Variants in CTNNA3 observed in about 807,000 individuals in gnomAD.
CTNNA3 encodes the protein catenin alpha 3, also known as catenin alpha-3.
CTNNA3 carries 76 observed loss-of-function variants against 95.7 expected under a neutral mutation model. The ratio of observed to expected loss-of-function variants is 0.79; its 90% CI spans 0.66 to 0.96. The LOEUF is 0.96. CTNNA3 is among the 40% of genes least tolerant of loss of function. The pLI is 0.00. For missense variants in CTNNA3, 1,191 were observed against 1,089.8 expected (o/e 1.09, Z -1.31); for synonymous variants, 431 against 374.4 (o/e 1.15, Z -1.74).
chr10:66,602,443 A>C (rs1356246431), intron 10 of CTNNA3, among the ~76,000 whole-genome samples: 2 of 151,990 alleles, frequency 1.3e-5, no homozygotes, highest in African/African-American at 4.8e-5. Context: ...AGTCCAGGAT[A>C]TCTTATTTAC....
intron 9 of CTNNA3, among the ~76,000 whole-genome samples, chr10:66,763,057 G>C (rs147377382): frequency 6.6e-6 from 1 of 152,016 alleles, no homozygotes; most frequent in Non-Finnish European, 1.5e-5. Flanking sequence ...GTGCATGTCT[G>C]TGGGGTGGGG....
At chr10:67,678,918 G>A (rs959915929) in intron 1 of CTNNA3, among the ~76,000 whole-genome samples, 2 of 152,094 alleles carry the variant, frequency 1.3e-5, no homozygotes, top group Non-Finnish European at 2.9e-5. Context: ...GATGGAAGTA[G>A]ATAAAAAAGG....
intron 12 of CTNNA3, among the ~76,000 whole-genome samples, chr10:66,297,126 G>A (rs565056682): frequency 6.6e-6 from 1 of 152,088 alleles, no homozygotes; most frequent in Non-Finnish European, 1.5e-5. Flanking sequence ...GTTTATGTGT[G>A]AACTTACACT....
chr10:67,517,718 T>TA (rs1419603544), intron 5 of CTNNA3, among the ~76,000 whole-genome samples: 1 of 152,124 alleles, frequency 6.6e-6, no homozygotes, highest in Non-Finnish European at 1.5e-5. Context: ...TCAAGAGATA[T>TA]CACCTTAGAA....
intron 11 of CTNNA3, among the ~76,000 whole-genome samples, chr10:66,490,347 A>G (rs1839879859): frequency 6.6e-6 from 1 of 152,218 alleles, no homozygotes; most frequent in Non-Finnish European, 1.5e-5. Flanking sequence ...GAGGAGCAAT[A>G]TGACATCAAT....
At chr10:67,719,380 A>C (rs1028362845) in intron 1 of CTNNA3, among the ~76,000 whole-genome samples, 8 of 151,746 alleles carry the variant, frequency 5.3e-5, no homozygotes, top group African/African-American at 1.7e-4. Flanking sequence ...TAGTTCTTTT[A>C]ATTGTGATGT....
chr10:66,334,639 G>T (rs1315414094), intron 12 of CTNNA3, among the ~76,000 whole-genome samples: 1 of 151,962 alleles, frequency 6.6e-6, no homozygotes, highest in Non-Finnish European at 1.5e-5. Flanking sequence ...TGGGTAACCC[G>T]ACTTTTCTCT....
rs150571986 is a variant in CTNNA3, at chr10:66,712,888, G to A, written c.1281+53376C>T. 6.3e-3 allele frequency among the ~76,000 whole-genome samples: 965 copies of A among 152,210 alleles called. 13 individuals are homozygous for A. The highest frequency in any genetic ancestry group is 0.022 in the African/African-American group (908 of 41,514). On this transcript the variant is annotated intron_variant, in intron 9 of 17. Transcript: ENST00000433211. The stretch of plus-strand genomic sequence containing the variant: ...TCTACATGACAGTAACAACTGTGGT[G>A]AGCATAGAATTATTCATATGCCTAT...
At chr10:66,686,483 C>T (rs1203289028) in intron 9 of CTNNA3, among the ~76,000 whole-genome samples, 1 of 152,076 alleles carries the variant, frequency 6.6e-6, no homozygotes, top group Non-Finnish European at 1.5e-5. Flanking sequence ...TATTTTTTCC[C>T]ATTTTCAAAT....
intron 11 of CTNNA3, among the ~76,000 whole-genome samples, chr10:66,385,636 A>C (rs1197495346): frequency 6.6e-6 from 1 of 152,096 alleles, no homozygotes; most frequent in Non-Finnish European, 1.5e-5. Flanking sequence ...GAGACACAAC[A>C]AAAAAAGAGA....
At chr10:66,414,800 C>T (rs575509404) in intron 11 of CTNNA3, among the ~76,000 whole-genome samples, 1 of 152,190 alleles carries the variant, frequency 6.6e-6, no homozygotes, top group East Asian at 1.9e-4. Flanking sequence ...GTATGGGATG[C>T]CATCTTTAGG....
intron 10 of CTNNA3, among the ~76,000 whole-genome samples, chr10:66,619,089 A>G (rs923635852): frequency 1.1e-4 from 16 of 151,876 alleles, no homozygotes; most frequent in Admixed American, 1.0e-3. Flanking sequence ...GTGGAGAAAT[A>G]GGAACACTTT....
chr10:67,371,016 G>GC (rs1451321495), intron 5 of CTNNA3, among the ~76,000 whole-genome samples: 2 of 150,724 alleles, frequency 1.3e-5, no homozygotes, highest in Non-Finnish European at 3.0e-5. Flanking sequence ...ACAGGCGCCC[G>GC]CCGCTACGCC....
chr10:67,514,124 C>G (rs576450972), intron 5 of CTNNA3, among the ~76,000 whole-genome samples: 2 of 152,104 alleles, frequency 1.3e-5, no homozygotes, highest in African/African-American at 4.8e-5. Context: ...CATGGTGAAA[C>G]CCTGTCTCTA....
chr10:66,562,577 A>T (rs575432844), intron 10 of CTNNA3, among the ~76,000 whole-genome samples: 1 of 152,226 alleles, frequency 6.6e-6, no homozygotes, highest in East Asian at 1.9e-4. Flanking sequence ...ATCCTCGATT[A>T]CTCAATATTT....
At chr10:66,325,169 C>T (rs767897017) in intron 12 of CTNNA3, among the ~76,000 whole-genome samples, 4 of 152,020 alleles carry the variant, frequency 2.6e-5, no homozygotes, top group Non-Finnish European at 4.4e-5. Context: ...AGTGCAAATA[C>T]ACTTAACGAT....
chr10:66,756,087 TA>T (rs1249769831), intron 9 of CTNNA3, among the ~76,000 whole-genome samples: 6 of 152,194 alleles, frequency 3.9e-5, no homozygotes, highest in African/African-American at 1.2e-4. Context: ...ATGCAAACTT[TA>T]AACATCATAT....
Position 66,668,457 on chromosome 10 carries a change from T to TGTGA in CTNNA3, c.1282-46674_1282-46673insTCAC, listed in dbSNP as rs777242549. On this transcript the variant is annotated intron_variant, in intron 9 of 17. Transcript: ENST00000433211. ...GTGTGTGTGTGTGTGTGTGTGTGTG[T>TGTGA]GATACACATCCACATATATACATAC... 5.5e-3 allele frequency among the ~76,000 whole-genome samples: 828 copies of TGTGA among 149,788 alleles called. 7 individuals carry two copies. The highest frequency in any genetic ancestry group is 0.017 in the African/African-American group (697 of 40,800).
intron 11 of CTNNA3, among the ~76,000 whole-genome samples, chr10:66,491,661 T>A (rs1839927765): frequency 6.6e-6 from 1 of 152,096 alleles, no homozygotes; most frequent in African/African-American, 2.4e-5. Flanking sequence ...TAGGGAAAAA[T>A]TTGTCTTTTT....
Sources: allele counts gnomAD v4.1 joint callset (sites outside exome capture counted in the v4.1 genomes callset), GRCh38; gene constraint gnomAD v4.1.1; transcripts MANE v1.5; gene names NCBI Gene and HGNC (gene_info 2026-07-23, HGNC 2026-07-21).